Variants in NELL1 observed in about 807,000 individuals in gnomAD.
The protein encoded by NELL1 is neural EGFL like 1.
Under a neutral mutation model 107.4 loss-of-function variants are expected in NELL1, and 76 were observed. The ratio of observed to expected loss-of-function variants is 0.71; its 90% CI spans 0.59 to 0.86. The LOEUF is 0.86. NELL1 is among the 40% of genes least tolerant of loss of function. The pLI is 0.00. For synonymous variants in NELL1, 353 were observed against 341.2 expected (o/e 1.03, Z -0.38); for missense variants, 1,024 against 1,005.5 (o/e 1.02, Z -0.25).
chr11:21,504,909 G>A (rs539094220), intron 15 of NELL1, among the ~76,000 whole-genome samples: 44 of 152,162 alleles, frequency 2.9e-4, no homozygotes, highest in African/African-American at 1.0e-3. Flanking sequence ...CAATATGGTG[G>A]ATTCAGAGTT....
chr11:20,755,885 T>C (rs796144937), intron 2 of NELL1, among the ~76,000 whole-genome samples: 1 of 112,222 alleles, frequency 8.9e-6, no homozygotes, highest in Admixed American at 8.7e-5. Context: ...TTTTTTTTTT[T>C]TTTTTTTTTT....
At chr11:20,939,136 C>T (rs1177290958) in intron 10 of NELL1, among the ~76,000 whole-genome samples, 1 of 151,888 alleles carries the variant, frequency 6.6e-6, no homozygotes, top group African/African-American at 2.4e-5. Flanking sequence ...GATTCAAGAG[C>T]TATTTAAAAA....
rs574031397 is a variant in NELL1, at chr11:20,766,812, G to A, written c.185-16868G>A. On this transcript the variant is annotated intron_variant, in intron 2 of 19. Transcript: ENST00000357134. ...GGCTGAAGTGCAGTGGCACAATCTT[G>A]GCTTACTGCTGCCTCTGCCTCTTGG... 4.6e-5 allele frequency among the ~76,000 whole-genome samples: 7 copies of A among 150,610 alleles called. No individual in the cohort carries two copies. In the South Asian group the frequency reaches 1.5e-3, roughly 32 times the overall value.
intron 14 of NELL1, among the ~76,000 whole-genome samples, chr11:21,366,838 T>C (rs1243161473): frequency 6.6e-6 from 1 of 152,046 alleles, no homozygotes; most frequent in Non-Finnish European, 1.5e-5. Flanking sequence ...TTTCAGGGTG[T>C]CCCTAGGAAC....
At chr11:21,436,617 T>G (rs1413906650) in intron 15 of NELL1, among the ~76,000 whole-genome samples, 1 of 152,150 alleles carries the variant, frequency 6.6e-6, no homozygotes. Flanking sequence ...TAAATATATT[T>G]TAAGTATCTA....
At chr11:21,308,362 C>G (rs1849654356) in intron 14 of NELL1, among the ~76,000 whole-genome samples, 1 of 151,982 alleles carries the variant, frequency 6.6e-6, no homozygotes. Context: ...CATATTTAGC[C>G]TCTCCACTCC....
intron 2 of NELL1, among the ~76,000 whole-genome samples, chr11:20,762,287 T>A (rs1328931809): frequency 1.3e-5 from 2 of 152,176 alleles, no homozygotes; most frequent in Non-Finnish European, 2.9e-5. Flanking sequence ...ACACACGTGG[T>A]CCTTCTTTTA....
At chr11:20,852,265 A>C (rs1848808437) in intron 4 of NELL1, among the ~76,000 whole-genome samples, 1 of 152,206 alleles carries the variant, frequency 6.6e-6, no homozygotes, top group Non-Finnish European at 1.5e-5. Flanking sequence ...GACTAGACTA[A>C]ACATACTTAT....
At chr11:21,221,171 T>C (rs950921058) in intron 13 of NELL1, among the ~76,000 whole-genome samples, 2 of 152,164 alleles carry the variant, frequency 1.3e-5, no homozygotes, top group South Asian at 2.1e-4. Flanking sequence ...TGTTGTGATT[T>C]ATGTCTCACA....
chr11:21,337,816 C>CTTT (rs1223671844), intron 14 of NELL1, among the ~76,000 whole-genome samples: 1 of 34,396 alleles, frequency 2.9e-5, no homozygotes. Flanking sequence ...TTCTTGCTTT[C>CTTT]CTTCTTTCTT....
chr11:21,422,208 C>T (rs115391124), intron 15 of NELL1, among the ~76,000 whole-genome samples: 4 of 152,128 alleles, frequency 2.6e-5, no homozygotes, highest in South Asian at 2.1e-4. Context: ...CTACCCTGCC[C>T]TGCAGGAAAT....
intron 15 of NELL1, among the ~76,000 whole-genome samples, chr11:21,446,470 A>T (rs1853432347): frequency 1.3e-5 from 2 of 151,952 alleles, no homozygotes; most frequent in Non-Finnish European, 2.9e-5. Context: ...GCTTGTTACT[A>T]CCCATCCTTT....
intron 2 of NELL1, among the ~76,000 whole-genome samples, chr11:20,712,225 C>T (rs1855131527): frequency 6.6e-6 from 1 of 152,040 alleles, no homozygotes; most frequent in Non-Finnish European, 1.5e-5. Context: ...GATCTTTCTT[C>T]TACTTGTTCT....
chr11:21,241,893 T>C (rs970732625), intron 14 of NELL1, among the ~76,000 whole-genome samples: 25 of 139,110 alleles, frequency 1.8e-4, no homozygotes, highest in African/African-American at 6.3e-4. Flanking sequence ...CTGAATTCGA[T>C]GTCTGTTTCT....
chr11:20,992,163 G>A (rs564565165), intron 12 of NELL1, among the ~76,000 whole-genome samples: 2 of 152,266 alleles, frequency 1.3e-5, no homozygotes, highest in East Asian at 1.9e-4. Context: ...AAGATGGGGA[G>A]GCCAGGCCAG....
chr11:21,407,150 T>G (rs1852255948), intron 15 of NELL1, among the ~76,000 whole-genome samples: 1 of 152,076 alleles, frequency 6.6e-6, no homozygotes, highest in African/African-American at 2.4e-5. Context: ...TCATGGTGGC[T>G]CATACCTGTA....
At chr11:20,844,519 C>T (rs554454200) in intron 3 of NELL1, among the ~76,000 whole-genome samples, 39 of 152,080 alleles carry the variant, frequency 2.6e-4, no homozygotes, top group African/African-American at 8.7e-4. Context: ...TTGAAAAGAC[C>T]CCAATACACC....
At chr11:21,514,689 G>C (rs1213959238) in intron 15 of NELL1, among the ~76,000 whole-genome samples, 1 of 142,944 alleles carries the variant, frequency 7.0e-6, no homozygotes, top group Non-Finnish European at 1.5e-5. Flanking sequence ...CAATGTGTGT[G>C]GGCTGTTTCT....
chr11:20,787,315 T>G (rs1856988059), intron 3 of NELL1, among the ~76,000 whole-genome samples: 1 of 152,082 alleles, frequency 6.6e-6, no homozygotes. Flanking sequence ...GACTGGAATG[T>G]AAGAAAATAG....
Sources: gnomAD v4.1 joint callset for allele counts (sites outside exome capture counted in the v4.1 genomes callset) on GRCh38, gnomAD v4.1.1 for gene constraint, MANE v1.5 for transcripts, NCBI Gene and HGNC (gene_info 2026-07-23, HGNC 2026-07-21) for gene names.